DENND3: variants seen among roughly 807,000 people sequenced by gnomAD.
DENND3 encodes the protein DENN domain-containing protein 3.
In DENND3, 88 loss-of-function variants were observed where a neutral mutation model predicts 135.1. The ratio of observed to expected loss-of-function variants is 0.65; its 90% CI spans 0.55 to 0.78. The LOEUF is 0.78. Ranked by LOEUF, DENND3 falls within the 30% of genes least tolerant of loss-of-function variation. The pLI is 0.00. For synonymous variants in DENND3, 693 were observed against 712.3 expected (o/e 0.97, Z 0.43); for missense variants, 1,392 against 1,688.4 (o/e 0.82, Z 3.08).
intron 8 of DENND3, among the ~76,000 whole-genome samples, chr8:141,156,659 C>T (rs972364849): frequency 3.9e-5 from 6 of 152,164 alleles, no homozygotes; most frequent in Admixed American, 2.6e-4. Context: ...AATGACAGGA[C>T]AGCCATGGCC....
intron 16 of DENND3, among the ~76,000 whole-genome samples, chr8:141,180,359 A>G (rs7836887): frequency 0.036 from 5,413 of 152,252 alleles, 329 homozygotes; most frequent in African/African-American, 0.12. Flanking sequence ...GGGCTTCGTT[A>G]TTGAGGAGAA....
At chr8:141,147,771 A>C (rs1818341767) in intron 5 of DENND3, among the ~76,000 whole-genome samples, 2 of 152,234 alleles carry the variant, frequency 1.3e-5, no homozygotes, top group African/African-American at 4.8e-5. Flanking sequence ...CCAGCACCGC[A>C]TATCCAGAGC....
intron 17 of DENND3, among the ~76,000 whole-genome samples, chr8:141,181,771 G>A (rs1823147977): frequency 6.6e-6 from 1 of 152,082 alleles, no homozygotes; most frequent in African/African-American, 2.4e-5. Flanking sequence ...TGTATTTTTT[G>A]TGTATTTTTT....
In DENND3 at chr8:141,128,624, G is replaced by A. The variant is rs927736443; in HGVS notation, c.-84G>A. ...CTCGCAGCGCCCCCGGCCCCCAGGCGGCGCGGCTGGTCCCCAGGGGTCTGC... is the reference window on the plus strand; with the variant it reads ...CTCGCAGCGCCCCCGGCCCCCAGGCAGCGCGGCTGGTCCCCAGGGGTCTGC... On this transcript the variant is annotated 5_prime_UTR_variant, in exon 1 of 23. Transcript: ENST00000519811. This position sits in a 1 kb window ranked among gnomAD's most constrained non-coding sequence, Gnocchi z 4.5. 1.2e-6 allele frequency: 1 copy of A among 845,248 alleles called. No homozygotes were observed. Among genetic ancestry groups the A allele is most frequent in the Non-Finnish European group, 1.5e-6 (1 of 656,552 alleles). The allele number at this position is 845,248 out of a possible 1,614,324, so 52.4% of individuals were successfully genotyped here. A position where few individuals can be genotyped will look rare whatever the true frequency, so the allele number is the denominator to read the frequency against.
Position 141,193,993 on chromosome 8 carries a change from G to T in DENND3, c.3637-40G>T, listed in dbSNP as rs1189162749. The T allele has an allele frequency of 3.1e-6, 5 of 1,599,730 alleles. No individual in the cohort carries two copies. In the African/African-American group the frequency reaches 6.7e-5, roughly 21 times the overall value. The stretch of plus-strand genomic sequence containing the variant: ...CAAAGCCCTGGTGCTCTTGGGAGGG[G>T]CTTCTTTCCCTGCTGACCCCTCCCG... On this transcript the variant is annotated intron_variant, in intron 22 of 22. Transcript: ENST00000519811.
intron 22 of DENND3, 85 bp downstream of exon 22, chr8:141,192,748 G>A (rs28446884): frequency 0.068 from 109,353 of 1,607,058 alleles, 4,688 homozygotes; most frequent in East Asian, 0.21. Context: ...AGAGCCAGCC[G>A]CACGCCCTCG....
rs1486708992 is a variant in DENND3, at chr8:141,175,098, G to A, written c.2276-102G>A. 200 of 1,402,418 alleles carry A rather than the reference G, an allele frequency of 1.4e-4. No individual in the cohort carries two copies. The highest frequency in any genetic ancestry group is 1.5e-5 in the Non-Finnish European group (16 of 1,041,626). 86.9% of individuals were successfully genotyped at this position (1,402,418 alleles called of 1,614,324 possible). ...CTGAGTGCTGGCGCCACCTGCTGCC[G>A]GGTTCCGGTAGTGTGCGGTTTCTTC... On this transcript the variant is annotated intron_variant, in intron 13 of 22. Coordinates refer to ENST00000519811, the MANE Select transcript of DENND3 (RefSeq NM_001352890.3). This position sits in a 1 kb window ranked among gnomAD's most constrained non-coding sequence, Gnocchi z 5.4.
In DENND3 at chr8:141,146,883, C is replaced by T. The variant is rs548360632; in HGVS notation, c.735+2624C>T. ...AAAGTTTATGTTCTTGTTCTGTAAA[C>T]GCAGCAAGTATTTACTGAGGGCCTG... On this transcript the variant is annotated intron_variant, in intron 5 of 22. Transcript: ENST00000519811. This position sits in a 1 kb window ranked among gnomAD's most constrained non-coding sequence, Gnocchi z 4.3. Among the ~76,000 whole-genome samples, 9 of 152,272 alleles carry T rather than the reference C, an allele frequency of 5.9e-5. No homozygotes were observed. The highest frequency in any genetic ancestry group is 5.8e-4 in the East Asian group (3 of 5,178).
chr8:141,151,080 TTATTATTA>T, intron 6 of DENND3, 127 bp downstream of exon 6: 1 of 1,309,280 alleles, frequency 7.6e-7, no homozygotes, highest in Non-Finnish European at 9.8e-7. Context: ...CTCGAAATGT[TTATTATTA>T]TTTTTTAAAG....
At chr8:141,189,209 G>T (rs527685023) in intron 19 of DENND3, 63 bp downstream of exon 19, 3 of 1,607,012 alleles carry the variant, frequency 1.9e-6, no homozygotes, top group South Asian at 1.1e-5. Flanking sequence ...AAGGCACAGC[G>T]GGTAGGGTTC....
chr8:141,178,731 C>G (rs1199367807), intron 16 of DENND3, among the ~76,000 whole-genome samples: 1 of 152,246 alleles, frequency 6.6e-6, no homozygotes, highest in Admixed American at 6.5e-5. Flanking sequence ...GTCAGCTTCC[C>G]CAGACAGGAA....
In DENND3 at chr8:141,168,826, C is replaced by T. The variant is rs1216850392; in HGVS notation, c.2275+301C>T. Among the ~76,000 whole-genome samples the T allele has an allele frequency of 1.3e-5, 2 of 151,860 alleles. No individual in the cohort carries two copies. Among genetic ancestry groups the T allele is most frequent in the East Asian group, 3.9e-4 (2 of 5,164 alleles). ...TCGGCCTCCCTAAGTGCTGAGATTA[C>T]AAGAGTGAGCCTCTGCGTTGGGCCC... On this transcript the variant is annotated intron_variant, in intron 13 of 22. Transcript: ENST00000519811. This position sits in a 1 kb window ranked among gnomAD's most constrained non-coding sequence, Gnocchi z 6.2.
chr8:141,176,564 C>A (rs112503136), intron 14 of DENND3, 27 bp from the exon 15 acceptor site: 3 of 1,613,994 alleles, frequency 1.9e-6, no homozygotes, highest in East Asian at 2.2e-5. Flanking sequence ...GTGTGACATT[C>A]CTAACTTTTC....
chr8:141,185,406 G>A lies in DENND3; in HGVS notation c.3084+128G>A. The A allele has an allele frequency of 2.3e-6, 3 of 1,280,412 alleles. No homozygotes were observed. In the East Asian group the frequency reaches 7.3e-5, roughly 31 times the overall value. The allele number at this position is 1,280,412 out of a possible 1,614,324, so 79.3% of individuals were successfully genotyped here. A position where few individuals can be genotyped will look rare whatever the true frequency, so the allele number is the denominator to read the frequency against. ...AGCCTCACTCGGTTTCTGTAAACAG[G>A]GGGTCTTAACTTTCACCTGGAGTTT... On this transcript the variant is annotated intron_variant, in intron 18 of 22. Transcript: ENST00000519811.
Position 141,175,785 on chromosome 8 carries a change from G to C in DENND3, c.2535+326G>C, listed in dbSNP as rs1180334519. 1 of 376,238 alleles carries C rather than the reference G, an allele frequency of 2.7e-6. No homozygotes were observed. Among genetic ancestry groups the C allele is most frequent in the East Asian group, 6.1e-5 (1 of 16,304 alleles). 23.3% of individuals were successfully genotyped at this position (376,238 alleles called of 1,614,324 possible). A position where few individuals can be genotyped will look rare whatever the true frequency, so the allele number is the denominator to read the frequency against. Reference sequence around the variant, plus strand: ...TCATTAGGGACAGTAGGACGCCTTCGTTCATCCATGAGATGTTTACTGAGA... The same window carrying C: ...TCATTAGGGACAGTAGGACGCCTTCCTTCATCCATGAGATGTTTACTGAGA... On this transcript the variant is annotated intron_variant, in intron 14 of 22. Transcript: ENST00000519811. The surrounding 1 kb of genome is among the most constrained non-coding windows in gnomAD (Gnocchi z 5.4).
At chr8:141,178,025 A>C (rs1371652423) in intron 15 of DENND3, 42 bp from the exon 16 acceptor site, 3 of 1,575,176 alleles carry the variant, frequency 1.9e-6, no homozygotes, top group Admixed American at 1.7e-5. Context: ...AACTGATCTT[A>C]GTGATTCTTG....
chr8:141,150,418 A>T, intron 5 of DENND3: 24 of 836,716 alleles, frequency 2.9e-5, no homozygotes, highest in Middle Eastern at 3.7e-4. Context: ...TTTGACTATT[A>T]AATTGTCAAA....
intron 17 of DENND3, among the ~76,000 whole-genome samples, chr8:141,183,719 T>TG (rs372252161): frequency 3.9e-4 from 58 of 149,000 alleles, no homozygotes; most frequent in African/African-American, 1.4e-3. Context: ...CCGGTGACAC[T>TG]GTCAGTTTTT....
chr8:141,150,825 T>C lies in DENND3; in HGVS notation c.736-9T>C, dbSNP rs771561409. The C allele has an allele frequency of 3.3e-5, 52 of 1,586,622 alleles. No individual in the cohort carries two copies. Among genetic ancestry groups the C allele is most frequent in the Non-Finnish European group, 4.4e-5 (52 of 1,169,336 alleles). ...TCTCTGAACTAATGACGGGAACTGG[T>C]TGTCGTAGGTATTTAACATGAAGTC... On this transcript the variant is annotated splice_polypyrimidine_tract_variant and intron_variant, in intron 5 of 22. Coordinates refer to ENST00000519811, the MANE Select transcript of DENND3 (RefSeq NM_001352890.3).
Sources: allele counts gnomAD v4.1 joint callset (sites outside exome capture counted in the v4.1 genomes callset), GRCh38; gene constraint gnomAD v4.1.1; non-coding constraint Gnocchi (gnomAD v3.1); transcripts MANE v1.5; gene names NCBI Gene and HGNC (gene_info 2026-07-23, HGNC 2026-07-21).